Variants in STK3 observed in about 807,000 individuals in gnomAD.
STK3 encodes the protein serine/threonine kinase 3, also known as serine/threonine-protein kinase 3.
In STK3, 41 loss-of-function variants were observed where a neutral mutation model predicts 58.0. The observed-to-expected ratio is 0.71, with a 90% confidence interval of 0.55 to 0.92. The LOEUF is 0.92. Ranked by LOEUF, STK3 falls within the 40% of genes least tolerant of loss-of-function variation. STK3 has a pLI of 0.00. For missense variants in STK3, 479 were observed against 602.7 expected (o/e 0.79, Z 2.15); for synonymous variants, 170 against 191.0 (o/e 0.89, Z 0.91).
intron 6 of STK3, among the ~76,000 whole-genome samples, chr8:98,663,821 T>A (rs917186655): frequency 3.3e-5 from 5 of 152,202 alleles, no homozygotes; most frequent in Non-Finnish European, 7.3e-5. Flanking sequence ...AACTGAACAA[T>A]GAGAACACAA....
chr8:98,633,981 C>A, intron 6 of STK3: 1 of 172,932 alleles, frequency 5.8e-6, no homozygotes, highest in Non-Finnish European at 1.3e-5. Flanking sequence ...CTTTTAATCT[C>A]GATTCCAAAT....
At chr8:98,754,328 C>A (rs1022068803) in intron 3 of STK3, among the ~76,000 whole-genome samples, 1 of 151,996 alleles carries the variant, frequency 6.6e-6, no homozygotes, top group Non-Finnish European at 1.5e-5. Flanking sequence ...TAGGGAGTAG[C>A]GTTCCTACAC....
At chr8:98,549,395 T>C (rs567888779) in intron 8 of STK3, among the ~76,000 whole-genome samples, 1 of 152,320 alleles carries the variant, frequency 6.6e-6, no homozygotes, top group South Asian at 2.1e-4. Context: ...TATTAGCCAT[T>C]TGTATATCTT....
chr8:98,802,187 AG>A (rs1279789029), intron 1 of STK3, among the ~76,000 whole-genome samples: 4 of 152,212 alleles, frequency 2.6e-5, no homozygotes, highest in Admixed American at 2.6e-4. Context: ...AAAATAAAAA[AG>A]GAAAAAATAA....
chr8:98,598,551 C>T, intron 6 of STK3: 6 of 985,336 alleles, frequency 6.1e-6, no homozygotes, highest in Non-Finnish European at 7.2e-6. Flanking sequence ...ACTAATTTAA[C>T]TAATTTAACC....
At chr8:98,776,966 C>T (rs1194888899) in intron 1 of STK3, among the ~76,000 whole-genome samples, 1 of 151,660 alleles carries the variant, frequency 6.6e-6, no homozygotes, top group Non-Finnish European at 1.5e-5. Flanking sequence ...AGGAGAATGG[C>T]GTGAACCCAG....
At chr8:98,449,203 A>G (rs1157483682) in intron 1 of STK3, among the ~76,000 whole-genome samples, 1 of 152,196 alleles carries the variant, frequency 6.6e-6, no homozygotes, top group Non-Finnish European at 1.5e-5. Flanking sequence ...ATTCCCATAC[A>G]GAAGATTCCA....
At chr8:98,499,245 C>T (rs1226179110) in intron 10 of STK3, among the ~76,000 whole-genome samples, 1 of 152,096 alleles carries the variant, frequency 6.6e-6, no homozygotes, top group African/African-American at 2.4e-5. Flanking sequence ...CAAGTGTGGC[C>T]CTGCTGAAAC....
At chr8:98,940,502 G>T (rs1840370188) in intron 1 of STK3, among the ~76,000 whole-genome samples, 1 of 152,194 alleles carries the variant, frequency 6.6e-6, no homozygotes. Context: ...TCGCAGGCTG[G>T]TGGCCGGAAG....
chr8:98,559,262 T>G (rs1782808937), intron 8 of STK3, among the ~76,000 whole-genome samples: 1 of 152,174 alleles, frequency 6.6e-6, no homozygotes, highest in African/African-American at 2.4e-5. Context: ...AATTAAATAT[T>G]TATGTAATAA....
At position 98,472,979 on chromosome 8, in the gene STK3, A is replaced by G. The variant is rs1303552753; in HGVS notation, c.1318-16979T>C. 2.6e-5 allele frequency among the ~76,000 whole-genome samples: 4 copies of G among 152,186 alleles called. No individual in the cohort carries two copies. The East Asian group carries it at 7.7e-4, about 29-fold the overall frequency. On this transcript the variant is annotated intron_variant, in intron 10 of 10. Coordinates refer to ENST00000419617, the MANE Select transcript of STK3 (RefSeq NM_006281.4). ...GAGATTAAGATCAATGATTACATAA[A>G]GCACTCAGCATTTTTGTAATTACTT...
At position 98,816,984 on chromosome 8, in the gene STK3, C is replaced by T. The variant is rs549258277; in HGVS notation, c.26+8531G>A. 3.3e-5 allele frequency among the ~76,000 whole-genome samples: 5 copies of T among 152,282 alleles called. No homozygotes were observed. In the East Asian group the frequency reaches 9.6e-4, roughly 29 times the overall value. ...ACCTGAGGGGTGATTACAAAGGTAT[C>T]TGCCTTATAATAATTCACCAAGCCA... On this transcript the variant is annotated intron_variant, in intron 1 of 10. Transcript: ENST00000419617.
chr8:98,893,866 A>G (rs149962525), intron 1 of STK3, among the ~76,000 whole-genome samples: 1 of 152,360 alleles, frequency 6.6e-6, no homozygotes, highest in Non-Finnish European at 1.5e-5. Context: ...AAACTTATCT[A>G]GTCACAGATG....
At chr8:98,466,700 G>A (rs928932410) in intron 10 of STK3, among the ~76,000 whole-genome samples, 1 of 152,168 alleles carries the variant, frequency 6.6e-6, no homozygotes, top group African/African-American at 2.4e-5. Context: ...AGTGGTTTGT[G>A]CACAGAAAGC....
intron 6 of STK3, among the ~76,000 whole-genome samples, chr8:98,678,167 CTGCT>C (rs1823363116): frequency 6.6e-6 from 1 of 152,026 alleles, no homozygotes; most frequent in African/African-American, 2.4e-5. Flanking sequence ...CTGGTTAAGA[CTGCT>C]TACTGATACA....
intron 3 of STK3, among the ~76,000 whole-genome samples, chr8:98,838,033 A>G (rs974188793): frequency 9.3e-5 from 14 of 151,338 alleles, no homozygotes; most frequent in Non-Finnish European, 1.9e-4. Flanking sequence ...GTTTGAGACC[A>G]ACCTGGTCAA....
intron 4 of STK3, among the ~76,000 whole-genome samples, chr8:98,735,998 A>G (rs770889196): frequency 6.6e-6 from 1 of 152,058 alleles, no homozygotes; most frequent in African/African-American, 2.4e-5. Context: ...AAGCAATAAA[A>G]CATAAAAAAA....
intron 1 of STK3, 133 bp from the exon 2 acceptor site, chr8:98,774,952 T>C (rs1831573803): frequency 3.7e-6 from 2 of 539,046 alleles, no homozygotes; most frequent in Non-Finnish European, 6.2e-6. Flanking sequence ...TATAAAAACA[T>C]ACATAGTAAA....
rs1564093336 is a variant in STK3, at chr8:98,903,487, G to GCTC, written c.-78-19654_-78-19653insGAG. Among the ~76,000 whole-genome samples the GCTC allele has an allele frequency of 7.1e-3, 987 of 139,700 alleles. 16 individuals are homozygous for GCTC. The highest frequency in any genetic ancestry group is 0.024 in the African/African-American group (912 of 37,708). The allele number at this position is 139,700 out of a possible 152,430, so 91.6% of individuals were successfully genotyped here. A position where few individuals can be genotyped will look rare whatever the true frequency, so the allele number is the denominator to read the frequency against. On this transcript the variant is annotated intron_variant, in intron 1 of 1. Coordinates refer to the STK3 transcript ENST00000519420. The stretch of plus-strand genomic sequence containing the variant: ...TTATATTTCCACTTCAATTTAGGAA[G>GCTC]TTCTTCTTCTTCTTCTTCTTCTTCT...
Sources: gnomAD v4.1 joint callset for allele counts (sites outside exome capture counted in the v4.1 genomes callset) on GRCh38, gnomAD v4.1.1 for gene constraint, MANE v1.5 for transcripts, NCBI Gene and HGNC (gene_info 2026-07-23, HGNC 2026-07-21) for gene names.